The following CRIM1 variants were observed in gnomAD, a reference collection of about 807,000 sequenced individuals.
CRIM1 encodes the protein cysteine rich transmembrane BMP regulator 1.
A neutral mutation model predicts 116.4 loss-of-function variants in CRIM1; 32 were observed. The ratio of observed to expected loss-of-function variants is 0.27; its 90% CI spans 0.21 to 0.37. The LOEUF is 0.37. CRIM1 is among the 10% of genes least tolerant of loss of function. CRIM1 has a pLI of 1.00. For synonymous variants in CRIM1, 590 were observed against 509.2 expected (o/e 1.16, Z -2.13); for missense variants, 1,331 against 1,354.8 (o/e 0.98, Z 0.28).
chr2:36,517,247 T>G (rs76152951), intron 11 of CRIM1, 80 bp from the exon 12 acceptor site: 143 of 1,151,944 alleles, frequency 1.2e-4, no homozygotes, highest in Admixed American at 2.3e-4. Context: ...TTCTATCCCT[T>G]AAAGCAAACA....
chr2:36,473,521 T>C (rs983170018), intron 5 of CRIM1, among the ~76,000 whole-genome samples: 13 of 152,180 alleles, frequency 8.5e-5, no homozygotes, highest in African/African-American at 2.9e-4. Context: ...ACTGCCCATT[T>C]TCCCCCTAAG....
chr2:36,433,272 C>G (rs1675039735), intron 2 of CRIM1, among the ~76,000 whole-genome samples: 1 of 152,186 alleles, frequency 6.6e-6, no homozygotes, highest in Non-Finnish European at 1.5e-5. Context: ...GTCTAGGGGC[C>G]ACACTTTAAG....
intron 12 of CRIM1, among the ~76,000 whole-genome samples, chr2:36,520,514 A>C (rs973249457): frequency 6.6e-6 from 1 of 152,216 alleles, no homozygotes; most frequent in Admixed American, 6.5e-5. Context: ...CCATCTTACT[A>C]TCTCTAACCT....
chr2:36,515,249 A>G (rs1257449276), intron 11 of CRIM1, among the ~76,000 whole-genome samples: 1 of 152,238 alleles, frequency 6.6e-6, no homozygotes, highest in Non-Finnish European at 1.5e-5. Context: ...AAAGACATTA[A>G]GAATGGATAA....
chr2:36,498,386 T>C (rs549141524), intron 7 of CRIM1, among the ~76,000 whole-genome samples: 3 of 152,210 alleles, frequency 2.0e-5, no homozygotes, highest in African/African-American at 7.2e-5. Flanking sequence ...CATCTGTAAA[T>C]TGAGGATAAT....
intron 2 of CRIM1, among the ~76,000 whole-genome samples, chr2:36,437,041 A>G (rs748911922): frequency 1.3e-5 from 2 of 152,244 alleles, no homozygotes; most frequent in Non-Finnish European, 1.5e-5. Flanking sequence ...TGTGTTTGTT[A>G]TAAGACAACC....
chr2:36,510,177 G>A (rs1472856519), intron 9 of CRIM1, 38 bp downstream of exon 9: 21 of 1,579,340 alleles, frequency 1.3e-5, no homozygotes, highest in Non-Finnish European at 1.6e-5. Flanking sequence ...ATTATGAAGT[G>A]CAACTTGGTG....
intron 15 of CRIM1, among the ~76,000 whole-genome samples, chr2:36,544,950 T>TATC (rs1207647808): frequency 3.9e-5 from 6 of 152,210 alleles, no homozygotes; most frequent in African/African-American, 1.4e-4. Flanking sequence ...GAGCTAAACT[T>TATC]ATCACCTATG....
intron 7 of CRIM1, among the ~76,000 whole-genome samples, chr2:36,495,467 ATTTAT>A (rs1680514154): frequency 7.5e-6 from 1 of 134,080 alleles, no homozygotes; most frequent in South Asian, 2.5e-4. Context: ...CTCTTTATTT[ATTTAT>A]TTATTTTTTT....
intron 14 of CRIM1, 116 bp from the exon 15 acceptor site, chr2:36,544,260 C>T (rs1038784250): frequency 2.1e-6 from 2 of 942,386 alleles, no homozygotes; most frequent in Non-Finnish European, 2.9e-6. Flanking sequence ...GAAACTGCAT[C>T]TTTCATGTCC....
chr2:36,544,546 C>T (rs1234493398), intron 15 of CRIM1, 48 bp downstream of exon 15: 1 of 1,311,372 alleles, frequency 7.6e-7, no homozygotes, highest in Non-Finnish European at 9.8e-7. Context: ...ATGTGGTCTA[C>T]TTAGGTGTTT....
intron 8 of CRIM1, among the ~76,000 whole-genome samples, chr2:36,505,110 A>G (rs1033553247): frequency 6.6e-6 from 1 of 152,208 alleles, no homozygotes; most frequent in Non-Finnish European, 1.5e-5. Context: ...CTGTAATTCT[A>G]AACTAACACC....
At chr2:36,402,581 A>T (rs1465247999) in intron 2 of CRIM1, among the ~76,000 whole-genome samples, 1 of 151,914 alleles carries the variant, frequency 6.6e-6, no homozygotes, top group African/African-American at 2.4e-5. Flanking sequence ...CTTTTAAAAG[A>T]TGAATATGGT....
chr2:36,485,218 A>G (rs1171909345), intron 7 of CRIM1, among the ~76,000 whole-genome samples: 3 of 152,156 alleles, frequency 2.0e-5, no homozygotes, highest in African/African-American at 4.8e-5. Flanking sequence ...TTGAACCAAA[A>G]AATCCACTAT....
chr2:36,463,342 T>C (rs1052919097), intron 4 of CRIM1, among the ~76,000 whole-genome samples: 45 of 152,182 alleles, frequency 3.0e-4, no homozygotes, highest in African/African-American at 1.1e-3. Context: ...AACAAACCAA[T>C]TACTTAAATA....
chr2:36,378,625 T>C (rs1437699262), intron 1 of CRIM1: 3 of 259,350 alleles, frequency 1.2e-5, no homozygotes, highest in Non-Finnish European at 2.3e-5. Flanking sequence ...CCTTGTGTTC[T>C]CTTGGTGGGG....
chr2:36,543,602 A>G (rs1362344200), intron 14 of CRIM1, among the ~76,000 whole-genome samples: 1 of 152,192 alleles, frequency 6.6e-6, no homozygotes, highest in Non-Finnish European at 1.5e-5. Context: ...TGAAGAATTA[A>G]TTGCTTTAAA....
At position 36,415,432 on chromosome 2, in the gene CRIM1, G is replaced by A. The variant is rs150201143; in HGVS notation, c.505+18645G>A. ...GGTTACAGCTCTTCAGCTTTGTCTT[G>A]TGCTGTTTTATCTAATCCTCTGTCT... On this transcript the variant is annotated intron_variant, in intron 2 of 16. Coordinates refer to ENST00000280527, the MANE Select transcript of CRIM1 (RefSeq NM_016441.3). Among the ~76,000 whole-genome samples, 379 of 152,240 alleles carry A rather than the reference G, an allele frequency of 2.5e-3. 4 individuals are homozygous for A. The highest frequency in any genetic ancestry group is 8.7e-3 in the African/African-American group (360 of 41,548).
chr2:36,396,196 C>A (rs894557357), intron 1 of CRIM1, among the ~76,000 whole-genome samples: 1 of 152,130 alleles, frequency 6.6e-6, no homozygotes, highest in East Asian at 1.9e-4. Context: ...AGGCATGAGC[C>A]ACTGTGCCTG....
Sources: allele counts gnomAD v4.1 joint callset (sites outside exome capture counted in the v4.1 genomes callset), GRCh38; gene constraint gnomAD v4.1.1; transcripts MANE v1.5; gene names NCBI Gene and HGNC (gene_info 2026-07-23, HGNC 2026-07-21).